CD200R1: variants seen among roughly 807,000 people sequenced by gnomAD.
CD200R1 encodes the protein cell surface glycoprotein CD200 receptor 1.
Under a neutral mutation model 38.1 loss-of-function variants are expected in CD200R1, and 30 were observed. The ratio of observed to expected loss-of-function variants is 0.79; its 90% CI spans 0.59 to 1.07. The LOEUF (loss-of-function observed/expected upper bound fraction) is 1.07. Ranked by LOEUF, CD200R1 falls within the 50% of genes least tolerant of loss-of-function variation. The pLI is 0.00. For missense variants in CD200R1, 372 were observed against 415.4 expected (o/e 0.90, Z 0.91); for synonymous variants, 128 against 152.1 (o/e 0.84, Z 1.16).
chr3:112,964,849 C>A (rs1222407999), intron 1 of CD200R1, among the ~76,000 whole-genome samples: 2 of 152,040 alleles, frequency 1.3e-5, no homozygotes. Flanking sequence ...ATCTTAAATT[C>A]CCACGTGTTG....
intron 2 of CD200R1, among the ~76,000 whole-genome samples, chr3:112,940,863 T>C (rs762579644): frequency 9.9e-5 from 15 of 151,844 alleles, no homozygotes; most frequent in Non-Finnish European, 1.8e-4. Flanking sequence ...CCTATGTTTA[T>C]TACAGCAATA....
intron 1 of CD200R1, among the ~76,000 whole-genome samples, chr3:112,955,171 G>T (rs1257559855): frequency 1.3e-5 from 2 of 152,182 alleles, no homozygotes; most frequent in Non-Finnish European, 2.9e-5. Context: ...CTATCCTAGA[G>T]AATGTTTCAT....
In CD200R1 at chr3:112,926,561, T is replaced by A. The variant is rs1472254244; in HGVS notation, c.770-1368A>T. Reference sequence around the variant, plus strand: ...ATTTGAATGAGAATTTCCCTTCAATTCTGAGACACTATAAATCTGACATCA... The same window carrying A: ...ATTTGAATGAGAATTTCCCTTCAATACTGAGACACTATAAATCTGACATCA... On this transcript the variant is annotated intron_variant, in intron 5 of 7. Transcript: ENST00000308611. Among the ~76,000 whole-genome samples the A allele has an allele frequency of 2.0e-5, 3 of 152,098 alleles. No homozygotes were observed. In the East Asian group the frequency reaches 5.8e-4, roughly 29 times the overall value.
Position 112,946,224 on chromosome 3 carries a change from T to A in CD200R1, c.136+1632A>T, listed in dbSNP as rs1940857033. Among the ~76,000 whole-genome samples, 3 of 152,150 alleles carry A rather than the reference T, an allele frequency of 2.0e-5. No homozygotes were observed. In the South Asian group the frequency reaches 6.2e-4, roughly 32 times the overall value. ...CTGTATTTTTTAAATCGTCTCTAGA[T>A]TACTTATAATACCTAATACAATGCC... On this transcript the variant is annotated intron_variant, in intron 2 of 7. Transcript: ENST00000308611.
At chr3:112,943,705 A>C (rs1042665967) in intron 2 of CD200R1, among the ~76,000 whole-genome samples, 1 of 151,874 alleles carries the variant, frequency 6.6e-6, no homozygotes, top group Non-Finnish European at 1.5e-5. Context: ...AAAATTGATA[A>C]GTCACTGGCC....
At chr3:112,970,592 T>C (rs555912784) in intron 1 of CD200R1, among the ~76,000 whole-genome samples, 6 of 152,202 alleles carry the variant, frequency 3.9e-5, no homozygotes, top group Non-Finnish European at 7.3e-5. Context: ...TGATGGCTAC[T>C]ACATTTTTCA....
At chr3:112,930,539 C>CACA (rs1940404383) in intron 3 of CD200R1, among the ~76,000 whole-genome samples, 1 of 151,610 alleles carries the variant, frequency 6.6e-6, no homozygotes, top group Non-Finnish European at 1.5e-5. Context: ...TCCCATAAAT[C>CACA]GACACAATGT....
chr3:112,968,225 T>C (rs1157907302), intron 1 of CD200R1, among the ~76,000 whole-genome samples: 1 of 152,196 alleles, frequency 6.6e-6, no homozygotes, highest in Non-Finnish European at 1.5e-5. Flanking sequence ...AAGTGAAATG[T>C]ACCAAAACAT....
intron 2 of CD200R1, among the ~76,000 whole-genome samples, chr3:112,938,854 A>G (rs1364723673): frequency 6.6e-6 from 1 of 152,030 alleles, no homozygotes; most frequent in Non-Finnish European, 1.5e-5. Context: ...AGCCAATACT[A>G]CTAATAAACA....
chr3:112,957,071 C>T (rs140435171), intron 1 of CD200R1, among the ~76,000 whole-genome samples: 7 of 152,126 alleles, frequency 4.6e-5, no homozygotes, highest in Non-Finnish European at 8.8e-5. Flanking sequence ...AGGCAAAGTT[C>T]TATGTTTATT....
At position 112,929,345 on chromosome 3, in the gene CD200R1, T is replaced by C. The variant is rs373339414; in HGVS notation, c.365A>G (p.Asn122Ser). The change falls in exon 4 of 8, where the codon AAC becomes AGC. Residue 122 changes from asparagine to serine, a missense_variant. Asn to Ser is a conservative substitution (Grantham distance 46). Coordinates refer to ENST00000308611, the MANE Select transcript of CD200R1 (RefSeq NM_138806.4). ...KKETNETKET[N>S]CTDERITWVS... ...CCAGGTTATTCTCTCATCAGTACAG[T>C]TGGTTTCCTTGGTCTCATTTGTTTC... The C allele has an allele frequency of 3.7e-6, 6 of 1,614,134 alleles. No homozygotes were observed. Among genetic ancestry groups the C allele is most frequent in the Admixed American group, 3.3e-5 (2 of 60,014 alleles).
At chr3:112,947,050 C>T (rs59940764) in intron 2 of CD200R1, among the ~76,000 whole-genome samples, 2 of 152,108 alleles carry the variant, frequency 1.3e-5, no homozygotes, top group Non-Finnish European at 2.9e-5. Context: ...CATACTGTAA[C>T]GTTCCAATTA....
At chr3:112,960,317 CAT>C (rs1179371571) in intron 1 of CD200R1, among the ~76,000 whole-genome samples, 4 of 152,100 alleles carry the variant, frequency 2.6e-5, no homozygotes, top group Non-Finnish European at 4.4e-5. Context: ...CTCTCCTTCA[CAT>C]GTCTCACAGC....
chr3:112,929,631 T>C, intron 3 of CD200R1, 124 bp from the exon 4 acceptor site: 1 of 842,094 alleles, frequency 1.2e-6, no homozygotes, highest in Non-Finnish European at 1.7e-6. Context: ...CCAAAAATAT[T>C]AGACCTTCAT....
chr3:112,940,555 G>A (rs768773291), intron 2 of CD200R1, among the ~76,000 whole-genome samples: 4 of 151,802 alleles, frequency 2.6e-5, no homozygotes, highest in Non-Finnish European at 5.9e-5. Flanking sequence ...ATGAAAAAGT[G>A]CTCAACATCA....
At chr3:112,958,371 G>T (rs538825558) in intron 1 of CD200R1, among the ~76,000 whole-genome samples, 1 of 152,012 alleles carries the variant, frequency 6.6e-6, no homozygotes, top group South Asian at 2.1e-4. Context: ...TACAAGATGG[G>T]CACAAAAGAA....
At chr3:112,927,239 C>T (rs1173338266) in intron 5 of CD200R1, among the ~76,000 whole-genome samples, 1 of 152,104 alleles carries the variant, frequency 6.6e-6, no homozygotes, top group African/African-American at 2.4e-5. Flanking sequence ...CAGTGGCACA[C>T]TCACATGCAC....
At chr3:112,961,724 A>G (rs532527661) in intron 1 of CD200R1, among the ~76,000 whole-genome samples, 2 of 152,306 alleles carry the variant, frequency 1.3e-5, no homozygotes, top group East Asian at 3.9e-4. Flanking sequence ...CAATGTTGCC[A>G]AGCAAAAACC....
At chr3:112,934,443 G>C (rs1017838698) in intron 2 of CD200R1, among the ~76,000 whole-genome samples, 4 of 152,004 alleles carry the variant, frequency 2.6e-5, no homozygotes, top group Non-Finnish European at 5.9e-5. Context: ...TCAATAAAAT[G>C]ACAGATGTAA....
Sources: gnomAD v4.1 joint callset for allele counts (sites outside exome capture counted in the v4.1 genomes callset) on GRCh38, gnomAD v4.1.1 for gene constraint, MANE v1.5 for transcripts, NCBI Gene and HGNC (gene_info 2026-07-23, HGNC 2026-07-21) for gene names.